Variants in TACC1 observed in about 807,000 individuals in gnomAD.
TACC1 encodes transforming acidic coiled-coil containing protein 1.
In TACC1, 48 loss-of-function variants were observed where a neutral mutation model predicts 84.4. The ratio of observed to expected loss-of-function variants is 0.57; its 90% CI spans 0.45 to 0.72. The LOEUF (loss-of-function observed/expected upper bound fraction) is 0.72. TACC1 is among the 30% of genes least tolerant of loss of function. TACC1 has a pLI of 0.00. For synonymous variants in TACC1, 372 were observed against 376.3 expected (o/e 0.99, Z 0.13); for missense variants, 920 against 973.0 (o/e 0.95, Z 0.72).
rs186801026 is a variant in TACC1, at chr8:38,756,104, G to A, written c.26+10611G>A. ...GCTGGGATTACAGGTGTGAGCCACC[G>A]CGCCCGGCCGGGAAGAGAGAATTAT... On this transcript the variant is annotated intron_variant, in intron 3 of 14. Transcript: ENST00000518415. Among the ~76,000 whole-genome samples, 308 of 151,944 alleles carry A rather than the reference G, an allele frequency of 2.0e-3. 1 individual carries two copies. The highest frequency in any genetic ancestry group is 7.3e-3 in the African/African-American group (301 of 41,462).
chr8:38,797,902 A>G (rs905076606), intron 2 of TACC1, among the ~76,000 whole-genome samples: 16 of 151,972 alleles, frequency 1.1e-4, no homozygotes, highest in South Asian at 6.2e-4. Flanking sequence ...GTGGAAGGGG[A>G]TTTCTACTCT....
At chr8:38,754,243 C>T (rs539904710) in intron 3 of TACC1, among the ~76,000 whole-genome samples, 16 of 152,064 alleles carry the variant, frequency 1.1e-4, no homozygotes, top group Non-Finnish European at 2.2e-4. Context: ...TGAGCCACCG[C>T]GCCCGGCCTT....
At chr8:38,753,009 C>T (rs1293002220) in intron 3 of TACC1, among the ~76,000 whole-genome samples, 1 of 152,096 alleles carries the variant, frequency 6.6e-6, no homozygotes, top group African/African-American at 2.4e-5. Context: ...GGACATGTTT[C>T]CATTTCTTTA....
chr8:38,729,438 C>T (rs1351961751), intron 1 of TACC1, among the ~76,000 whole-genome samples: 1 of 152,226 alleles, frequency 6.6e-6, no homozygotes, highest in Non-Finnish European at 1.5e-5. Flanking sequence ...CTCTGGAAGG[C>T]CAGCCTTGGC....
chr8:38,796,687 TAAA>T (rs1435401457), intron 2 of TACC1, among the ~76,000 whole-genome samples: 2 of 152,030 alleles, frequency 1.3e-5, no homozygotes, highest in Non-Finnish European at 2.9e-5. Context: ...CAGTGAAAAA[TAAA>T]GAAGGAGTAG....
intron 2 of TACC1, among the ~76,000 whole-genome samples, chr8:38,791,145 A>T (rs1252230974): frequency 2.6e-5 from 4 of 152,118 alleles, no homozygotes; most frequent in African/African-American, 7.2e-5. Flanking sequence ...AGACTGATTC[A>T]TCCCGCCAGA....
intron 3 of TACC1, among the ~76,000 whole-genome samples, chr8:38,779,344 T>G (rs911998978): frequency 6.6e-6 from 1 of 152,172 alleles, no homozygotes; most frequent in Non-Finnish European, 1.5e-5. Flanking sequence ...ATTTCACACT[T>G]TGGTCACCAC....
At chr8:38,821,077 C>T (rs1475322419) in intron 3 of TACC1, among the ~76,000 whole-genome samples, 1 of 151,942 alleles carries the variant, frequency 6.6e-6, no homozygotes, top group African/African-American at 2.4e-5. Context: ...TGGTGGTGCA[C>T]ACCTGTAGTC....
At chr8:38,766,378 A>C (rs987714925) in intron 3 of TACC1, among the ~76,000 whole-genome samples, 2 of 152,238 alleles carry the variant, frequency 1.3e-5, no homozygotes, top group Non-Finnish European at 2.9e-5. Flanking sequence ...AAATTTGGGA[A>C]TGTTACACAG....
intron 11 of TACC1, chr8:38,846,187 G>A (rs1421920508): frequency 6.7e-6 from 1 of 149,820 alleles, no homozygotes; most frequent in South Asian, 2.1e-4. Context: ...GAGAGGCTGA[G>A]GCAGGAGAAT....
intron 3 of TACC1, chr8:38,757,171 TC>T: frequency 1.1e-6 from 1 of 918,862 alleles, no homozygotes; most frequent in South Asian, 2.0e-5. Context: ...GCCACCTCCT[TC>T]CCCGCTTTCC....
intron 2 of TACC1, among the ~76,000 whole-genome samples, chr8:38,794,988 G>A (rs1171832845): frequency 6.6e-6 from 1 of 152,162 alleles, no homozygotes; most frequent in East Asian, 1.9e-4. Flanking sequence ...GGTATTTAAA[G>A]CTTGAAAATC....
At chr8:38,779,133 C>G (rs1815441255) in intron 3 of TACC1, among the ~76,000 whole-genome samples, 1 of 152,016 alleles carries the variant, frequency 6.6e-6, no homozygotes, top group South Asian at 2.1e-4. Context: ...CACCACCACG[C>G]CTGGCTACTT....
intron 3 of TACC1, among the ~76,000 whole-genome samples, chr8:38,765,216 T>A (rs1046266753): frequency 3.3e-5 from 5 of 152,144 alleles, no homozygotes; most frequent in Non-Finnish European, 7.4e-5. Context: ...CTCCTCTTGG[T>A]CTAGGCCAAC....
chr8:38,784,847 G>C (rs1816810318), upstream of TACC1, among the ~76,000 whole-genome samples: 1 of 152,232 alleles, frequency 6.6e-6, no homozygotes, highest in African/African-American at 2.4e-5. Flanking sequence ...TTAGAAGCTT[G>C]TGGGACAGAT....
At chr8:38,784,676 G>A (rs563555590), upstream of TACC1, among the ~76,000 whole-genome samples, 2 of 152,270 alleles carry the variant, frequency 1.3e-5, no homozygotes, top group Non-Finnish European at 2.9e-5. Flanking sequence ...ATTTCCCCAG[G>A]GGGAGTCAGG....
intron 1 of TACC1, among the ~76,000 whole-genome samples, chr8:38,740,966 G>A (rs746431857): frequency 5.9e-5 from 9 of 152,074 alleles, no homozygotes; most frequent in East Asian, 1.9e-4. Flanking sequence ...TCTGGCTCGC[G>A]AGTATCCTAA....
At chr8:38,791,865 T>TG (rs1240274281) in intron 2 of TACC1, among the ~76,000 whole-genome samples, 2 of 152,202 alleles carry the variant, frequency 1.3e-5, no homozygotes, top group Non-Finnish European at 2.9e-5. Context: ...ACCATACCCA[T>TG]GGCTCCTGTG....
At chr8:38,825,254 G>T in intron 3 of TACC1, 54 bp from the exon 4 acceptor site, 1 of 1,589,266 alleles carries the variant, frequency 6.3e-7, no homozygotes, top group South Asian at 1.1e-5. Flanking sequence ...TTCATACCTT[G>T]ACAATTGTCA....
Sources: allele counts gnomAD v4.1 joint callset (sites outside exome capture counted in the v4.1 genomes callset), GRCh38; gene constraint gnomAD v4.1.1; transcripts MANE v1.5; gene names NCBI Gene and HGNC (gene_info 2026-07-23, HGNC 2026-07-21).